Variants in ARSB observed in about 807,000 individuals in gnomAD.
ARSB encodes arylsulfatase B, also known as N-acetylgalactosamine-4-sulfatase.
Under a neutral mutation model 50.9 loss-of-function variants are expected in ARSB, and 41 were observed. The ratio of observed to expected loss-of-function variants is 0.81; its 90% CI spans 0.63 to 1.04. ARSB has a LOEUF of 1.04. Among genes scored for constraint, ARSB ranks in the 50% least tolerant of loss-of-function variants. ARSB has a pLI of 0.00. For synonymous variants in ARSB, 269 were observed against 284.8 expected, an observed-to-expected ratio of 0.94 and a Z score of 0.56; for missense variants, 672 against 693.3, an observed-to-expected ratio of 0.97 and a Z score of 0.35.
intron 4 of ARSB, among the ~76,000 whole-genome samples, chr5:78,918,878 T>C (rs1749679132): frequency 6.6e-6 from 1 of 152,228 alleles, no homozygotes; most frequent in African/African-American, 2.4e-5. Flanking sequence ...AACATTTTTT[T>C]CATTTGTTTC....
chr5:78,912,408 A>G (rs1410611276), intron 4 of ARSB, among the ~76,000 whole-genome samples: 1 of 152,208 alleles, frequency 6.6e-6, no homozygotes, highest in African/African-American at 2.4e-5. Context: ...CTCGTCTGTA[A>G]CTCAGCCTAC....
intron 4 of ARSB, among the ~76,000 whole-genome samples, chr5:78,947,115 T>C (rs939575092): frequency 6.6e-6 from 1 of 152,104 alleles, no homozygotes; most frequent in African/African-American, 2.4e-5. Context: ...TCTCACCATA[T>C]AGAAAAATCA....
intron 6 of ARSB, among the ~76,000 whole-genome samples, chr5:78,825,544 T>C (rs979574935): frequency 5.9e-5 from 9 of 152,204 alleles, no homozygotes; most frequent in African/African-American, 2.2e-4. Flanking sequence ...CAATTAGAAA[T>C]CAAGTACTAT....
chr5:78,982,595 A>G (rs1328741846), intron 1 of ARSB, among the ~76,000 whole-genome samples: 2 of 152,234 alleles, frequency 1.3e-5, no homozygotes, highest in East Asian at 3.8e-4. Context: ...AACCTTGGGC[A>G]AGTTTCTTAA....
intron 5 of ARSB, among the ~76,000 whole-genome samples, chr5:78,846,062 G>C (rs1295271047): frequency 6.6e-6 from 1 of 152,062 alleles, no homozygotes. Flanking sequence ...TTTTATATAT[G>C]GTGAGAGATA....
chr5:78,985,644 A>G (rs1270247028), upstream of ARSB: 1 of 157,036 alleles, frequency 6.4e-6, no homozygotes, highest in Non-Finnish European at 1.4e-5. Flanking sequence ...AGCCTGCAAC[A>G]ACTCTGACAG....
intron 3 of ARSB, among the ~76,000 whole-genome samples, chr5:78,956,172 G>T (rs975338838): frequency 1.3e-5 from 2 of 152,040 alleles, no homozygotes; most frequent in African/African-American, 4.8e-5. Flanking sequence ...TATATTTTCA[G>T]CAACATATGG....
At chr5:78,822,629 G>GT (rs1739660599) in intron 6 of ARSB, among the ~76,000 whole-genome samples, 1 of 151,960 alleles carries the variant, frequency 6.6e-6, no homozygotes, top group African/African-American at 2.4e-5. Flanking sequence ...TTCTAATCCT[G>GT]TTTTTTTCTT....
Position 78,855,280 on chromosome 5 carries a change from C to A in ARSB, c.1143-15854G>T, listed in dbSNP as rs566826240. ...GTATGACTGCTCTGGGTGGACCAGG[C>A]ACCATTTCCCTAGGATGCAGCGTGC... On this transcript the variant is annotated intron_variant, in intron 5 of 7. Coordinates refer to ENST00000264914, the MANE Select transcript of ARSB (RefSeq NM_000046.5). 1.6e-4 allele frequency among the ~76,000 whole-genome samples: 24 copies of A among 152,318 alleles called. 1 individual carries two copies. In the South Asian group the frequency reaches 5.0e-3, roughly 32 times the overall value.
chr5:78,950,356 C>G (rs1416092716), intron 4 of ARSB, among the ~76,000 whole-genome samples: 1 of 152,174 alleles, frequency 6.6e-6, no homozygotes, highest in Non-Finnish European at 1.5e-5. Flanking sequence ...GCCCACCCTG[C>G]TTTGCCTCAT....
intron 3 of ARSB, among the ~76,000 whole-genome samples, chr5:78,959,052 C>T (rs746641595): frequency 2.8e-4 from 43 of 152,274 alleles, no homozygotes; most frequent in Middle Eastern, 3.4e-3. Context: ...AATTGTAGTT[C>T]CCATAATCCC....
chr5:78,880,105 C>A (rs916611792), intron 5 of ARSB, among the ~76,000 whole-genome samples: 1 of 152,112 alleles, frequency 6.6e-6, no homozygotes, highest in South Asian at 2.1e-4. Flanking sequence ...GCCCCTGTTC[C>A]ATAAGAGATT....
chr5:78,789,795 A>C (rs1311429774), intron 6 of ARSB, among the ~76,000 whole-genome samples: 4 of 152,240 alleles, frequency 2.6e-5, no homozygotes, highest in African/African-American at 9.6e-5. Context: ...TGTCTAATTT[A>C]ATCCTCGTGA....
intron 5 of ARSB, among the ~76,000 whole-genome samples, chr5:78,849,698 G>C (rs922938487): frequency 6.8e-6 from 1 of 146,300 alleles, no homozygotes; most frequent in Non-Finnish European, 1.5e-5. Flanking sequence ...CATGAGCATG[G>C]AATGTTCTTC....
chr5:78,891,312 G>A lies in ARSB; in HGVS notation c.899-5485C>T, dbSNP rs117577695. Among the ~76,000 whole-genome samples the A allele has an allele frequency of 6.6e-4, 100 of 152,348 alleles. 1 individual carries two copies. The East Asian group carries it at 0.018, about 27-fold the overall frequency. On this transcript the variant is annotated intron_variant, in intron 4 of 7. Coordinates refer to ENST00000264914, the MANE Select transcript of ARSB (RefSeq NM_000046.5). ...TGGCAAGGGGTGCTCTTGGACCCCAGTGAGAATTTAAGTAAATCAAACCCT... is the reference window on the plus strand; with the variant it reads ...TGGCAAGGGGTGCTCTTGGACCCCAATGAGAATTTAAGTAAATCAAACCCT...
At chr5:78,929,321 T>C (rs1441273397) in intron 4 of ARSB, among the ~76,000 whole-genome samples, 1 of 152,130 alleles carries the variant, frequency 6.6e-6, no homozygotes, top group Non-Finnish European at 1.5e-5. Context: ...TGATTTTCAG[T>C]CTAGAGGGCA....
chr5:78,940,010 T>A (rs1403326393), intron 4 of ARSB, among the ~76,000 whole-genome samples: 11 of 152,238 alleles, frequency 7.2e-5, no homozygotes, highest in Admixed American at 5.9e-4. Flanking sequence ...TGTGATTTTG[T>A]TTTGCATTTC....
intron 6 of ARSB, among the ~76,000 whole-genome samples, chr5:78,817,869 G>A (rs1189368891): frequency 1.3e-5 from 2 of 151,916 alleles, no homozygotes; most frequent in Non-Finnish European, 2.9e-5. Context: ...CTAAGGGCTG[G>A]GCACAGTGGC....
At chr5:78,964,711 G>T in intron 2 of ARSB, 105 bp from the exon 3 acceptor site, 2 of 1,086,770 alleles carry the variant, frequency 1.8e-6, no homozygotes, top group Non-Finnish European at 2.7e-6. Flanking sequence ...CCGTGACGAG[G>T]CTAATCAAAT....
Sources: allele counts gnomAD v4.1 joint callset (sites outside exome capture counted in the v4.1 genomes callset), GRCh38; gene constraint gnomAD v4.1.1; transcripts MANE v1.5; gene names NCBI Gene and HGNC (gene_info 2026-07-23, HGNC 2026-07-21).